PARD3B: variants seen among roughly 807,000 people sequenced by gnomAD.
PARD3B encodes the protein par-3 family cell polarity regulator beta.
In PARD3B, 103 loss-of-function variants were observed where a neutral mutation model predicts 130.2. That is an observed-to-expected ratio of 0.79 (90% confidence interval 0.67 to 0.93). PARD3B has a LOEUF of 0.93. Ranked by LOEUF, PARD3B falls within the 40% of genes least tolerant of loss-of-function variation. The pLI is 0.00. For missense variants in PARD3B, 1,609 were observed against 1,499.2 expected (o/e 1.07, Z -1.21); for synonymous variants, 583 against 553.2 (o/e 1.05, Z -0.76).
At chr2:204,708,081 G>A (rs77977975) in intron 2 of PARD3B, among the ~76,000 whole-genome samples, 28,341 of 152,098 alleles carry the variant, frequency 0.19, 2,750 homozygotes, top group African/African-American at 0.24. Context: ...ACTGGGAGGA[G>A]CAAGTACTCT....
chr2:205,275,253 C>T (rs2040893216), intron 16 of PARD3B, among the ~76,000 whole-genome samples: 1 of 151,216 alleles, frequency 6.6e-6, no homozygotes, highest in Admixed American at 6.6e-5. Context: ...TTGTATTTAC[C>T]ATGCACTGAA....
At chr2:205,126,550 G>A (rs1341855851) in intron 10 of PARD3B, among the ~76,000 whole-genome samples, 1 of 151,182 alleles carries the variant, frequency 6.6e-6, no homozygotes, top group Non-Finnish European at 1.5e-5. Context: ...GACCATCCTG[G>A]CTAACAAGGT....
At chr2:205,508,758 C>A (rs1054373531) in intron 21 of PARD3B, among the ~76,000 whole-genome samples, 2 of 151,920 alleles carry the variant, frequency 1.3e-5, no homozygotes, top group African/African-American at 2.4e-5. Flanking sequence ...GGATTGGAAG[C>A]AATACCAAGG....
chr2:205,511,015 C>T (rs1189373920), intron 21 of PARD3B, among the ~76,000 whole-genome samples: 3 of 152,150 alleles, frequency 2.0e-5, no homozygotes, highest in African/African-American at 7.2e-5. Flanking sequence ...GAAAGGAAAG[C>T]TCCTATGGCT....
chr2:205,612,490 A>G (rs13025134), intron 22 of PARD3B, among the ~76,000 whole-genome samples: 35,069 of 152,024 alleles, frequency 0.23, 5,068 homozygotes, highest in East Asian at 0.5. Flanking sequence ...TAATAGTCAG[A>G]AGAACTTAGA....
Position 204,698,366 on chromosome 2 carries a change from A to G in PARD3B, c.222+12084A>G, listed in dbSNP as rs563865684. ...AATTATTTAGCTCCTTTCTTTCAGAAGTTTTTGAATTGTCAATGAAAGAAT... is the reference window on the plus strand; with the variant it reads ...AATTATTTAGCTCCTTTCTTTCAGAGGTTTTTGAATTGTCAATGAAAGAAT... On this transcript the variant is annotated intron_variant, in intron 2 of 22. Coordinates refer to ENST00000406610, the MANE Select transcript of PARD3B (RefSeq NM_001302769.2). 2.3e-4 allele frequency among the ~76,000 whole-genome samples: 35 copies of G among 152,228 alleles called. 1 individual carries two copies. In the South Asian group the frequency reaches 2.9e-3, roughly 13 times the overall value.
At position 205,158,509 on chromosome 2, in the gene PARD3B, G is replaced by T. The variant is rs1237338970; in HGVS notation, c.1435-213G>T. Among the ~76,000 whole-genome samples the T allele has an allele frequency of 6.6e-6, 1 of 152,146 alleles. No homozygotes were observed. Among genetic ancestry groups the T allele is most frequent in the East Asian group, 1.9e-4 (1 of 5,182 alleles). ...CCTCTCTATTGACCATTACCGAATAGTATTCCCTGAAACCTCTTCCCCTGC... is the reference window on the plus strand; with the variant it reads ...CCTCTCTATTGACCATTACCGAATATTATTCCCTGAAACCTCTTCCCCTGC... On this transcript the variant is annotated intron_variant, in intron 10 of 22. Coordinates refer to ENST00000406610, the MANE Select transcript of PARD3B (RefSeq NM_001302769.2). The surrounding 1 kb of genome is among the most constrained non-coding windows in gnomAD (Gnocchi z 5.4).
intron 3 of PARD3B, among the ~76,000 whole-genome samples, chr2:204,998,838 C>G (rs996146593): frequency 6.6e-6 from 1 of 152,006 alleles, no homozygotes; most frequent in Middle Eastern, 3.2e-3. Flanking sequence ...CTCAGCCTCC[C>G]GAGTAGCTGG....
At chr2:205,480,257 CT>C in intron 20 of PARD3B, among the ~76,000 whole-genome samples, 1 of 152,150 alleles carries the variant, frequency 6.6e-6, no homozygotes, top group Non-Finnish European at 1.5e-5. Flanking sequence ...CTCATTAGGG[CT>C]TTGGCTCTAG....
At chr2:204,841,200 A>G (rs1443645613) in intron 2 of PARD3B, among the ~76,000 whole-genome samples, 1 of 151,976 alleles carries the variant, frequency 6.6e-6, no homozygotes, top group East Asian at 1.9e-4. Context: ...CCTCCTTCTT[A>G]TGTGATAGGT....
At chr2:204,707,200 C>A (rs1160342491) in intron 2 of PARD3B, among the ~76,000 whole-genome samples, 1 of 152,166 alleles carries the variant, frequency 6.6e-6, no homozygotes, top group Non-Finnish European at 1.5e-5. Context: ...TAATGCCCAG[C>A]AACCTGAATG....
intron 2 of PARD3B, among the ~76,000 whole-genome samples, chr2:204,834,915 G>A (rs1253967830): frequency 2.0e-5 from 3 of 152,208 alleles, no homozygotes; most frequent in Non-Finnish European, 4.4e-5. Flanking sequence ...ATAGTGTGAT[G>A]TGGTTGAAAA....
chr2:205,492,274 C>T lies in PARD3B; in HGVS notation c.3045-7622C>T, dbSNP rs554658938. Among the ~76,000 whole-genome samples the T allele has an allele frequency of 2.6e-5, 4 of 152,220 alleles. No homozygotes were observed. The South Asian group carries it at 8.3e-4, about 32-fold the overall frequency. On this transcript the variant is annotated intron_variant, in intron 20 of 22. Transcript: ENST00000406610. ...CCCTTAGAAATAAAAGCAGATTTTACATTTGGAAGGTTTGTGTTGTCTGTT... is the reference window on the plus strand; with the variant it reads ...CCCTTAGAAATAAAAGCAGATTTTATATTTGGAAGGTTTGTGTTGTCTGTT...
At chr2:204,564,909 T>C (rs978283591) in intron 1 of PARD3B, among the ~76,000 whole-genome samples, 5 of 152,236 alleles carry the variant, frequency 3.3e-5, no homozygotes, top group African/African-American at 4.8e-5. Flanking sequence ...TGCTTAAAAA[T>C]ACATTTATTA....
At chr2:204,751,007 T>C (rs986702751) in intron 2 of PARD3B, among the ~76,000 whole-genome samples, 58 of 152,290 alleles carry the variant, frequency 3.8e-4, no homozygotes, top group Admixed American at 2.7e-3. Context: ...AAAAACAAGG[T>C]TATATTCTAT....
intron 16 of PARD3B, among the ~76,000 whole-genome samples, chr2:205,273,637 A>G (rs1574563328): frequency 6.6e-6 from 1 of 152,282 alleles, no homozygotes; most frequent in East Asian, 1.9e-4. Flanking sequence ...CTCCTCCTAG[A>G]TCAGGTCTTC....
rs2041658948 is a variant in PARD3B at position 205,292,866 on chromosome 2, A to ATTATGAG, written c.2186-7664_2186-7663insTTATGAG. Among the ~76,000 whole-genome samples the ATTATGAG allele has an allele frequency of 6.6e-6, 1 of 152,186 alleles. No homozygotes were observed. The highest frequency in any genetic ancestry group is 2.4e-5 in the African/African-American group (1 of 41,444). On this transcript the variant is annotated intron_variant, in intron 16 of 22. Coordinates refer to ENST00000406610, the MANE Select transcript of PARD3B (RefSeq NM_001302769.2). This position sits in a 1 kb window ranked among gnomAD's most constrained non-coding sequence, Gnocchi z 5.3. ...TCTTCCATTCCTCTTAGGACCAAGCACAGTTATGAGCCACAAAAAATACCC... is the reference window on the plus strand; with the variant it reads ...TCTTCCATTCCTCTTAGGACCAAGCATTATGAGCAGTTATGAGCCACAAAAAATACCC...
rs150070520 is a variant in PARD3B at position 205,146,404 on chromosome 2, T to C, written c.1435-12318T>C. 7.2e-5 allele frequency among the ~76,000 whole-genome samples: 11 copies of C among 152,090 alleles called. 1 individual carries two copies. The East Asian group carries it at 2.2e-3, about 30-fold the overall frequency. Reference sequence around the variant, plus strand: ...GTGGCTCACCCCTGTAATCCCAGCATTTTGGGAGGCCGAGGTGGGCGGATC... The same window carrying C: ...GTGGCTCACCCCTGTAATCCCAGCACTTTGGGAGGCCGAGGTGGGCGGATC... On this transcript the variant is annotated intron_variant, in intron 10 of 22. Coordinates refer to ENST00000406610, the MANE Select transcript of PARD3B (RefSeq NM_001302769.2). This position sits in a 1 kb window ranked among gnomAD's most constrained non-coding sequence, Gnocchi z 4.3.
chr2:204,737,207 G>A (rs537526118), intron 2 of PARD3B, among the ~76,000 whole-genome samples: 31 of 152,264 alleles, frequency 2.0e-4, no homozygotes, highest in African/African-American at 6.7e-4. Context: ...CAGGTGATCC[G>A]CCTGCCTGGG....
Sources: gnomAD v4.1 joint callset for allele counts (sites outside exome capture counted in the v4.1 genomes callset) on GRCh38, gnomAD v4.1.1 for gene constraint, Gnocchi (gnomAD v3.1) non-coding constraint, MANE v1.5 for transcripts, NCBI Gene and HGNC (gene_info 2026-07-23, HGNC 2026-07-21) for gene names.